WASHC5: variants seen among roughly 807,000 people sequenced by gnomAD.
WASHC5 encodes WASH complex subunit 5.
In WASHC5, 101 loss-of-function variants were observed where a neutral mutation model predicts 150.4. That is an observed-to-expected ratio of 0.67 (90% CI 0.57 to 0.79). WASHC5 has a LOEUF of 0.79. Among genes scored for constraint, WASHC5 ranks in the 30% least tolerant of loss-of-function variants. WASHC5 has a pLI of 0.00. For missense variants in WASHC5, 1,195 were observed against 1,396.3 expected, an observed-to-expected ratio of 0.86 and a Z score of 2.30; for synonymous variants, 467 against 491.2, an observed-to-expected ratio of 0.95 and a Z score of 0.65.
chr8:125,056,944 A>G, intron 15 of WASHC5, 127 bp from the exon 16 acceptor site: 1 of 1,049,496 alleles, frequency 9.5e-7, no homozygotes, highest in African/African-American at 1.6e-5. Context: ...CTGTTTTAAT[A>G]ACTGCTGGCA....
intron 23 of WASHC5, among the ~76,000 whole-genome samples, chr8:125,041,551 G>C (rs899349492): frequency 6.6e-6 from 1 of 152,086 alleles, no homozygotes; most frequent in South Asian, 2.1e-4. Flanking sequence ...TGAGGTATGA[G>C]AAACACTTGA....
At chr8:125,038,589 C>T (rs1045123316) in intron 25 of WASHC5, among the ~76,000 whole-genome samples, 3 of 152,186 alleles carry the variant, frequency 2.0e-5, no homozygotes, top group Non-Finnish European at 4.4e-5. Context: ...ATCTCTTACA[C>T]GGAGGCAGCA....
chr8:125,090,945 A>G (rs541075089), intron 1 of WASHC5, among the ~76,000 whole-genome samples: 5 of 152,324 alleles, frequency 3.3e-5, no homozygotes, highest in Non-Finnish European at 7.4e-5. Context: ...GGACAATTAG[A>G]GAAGGTGTCC....
At chr8:125,037,948 G>A (rs1222501565) in intron 25 of WASHC5, among the ~76,000 whole-genome samples, 1 of 152,188 alleles carries the variant, frequency 6.6e-6, no homozygotes, top group Non-Finnish European at 1.5e-5. Flanking sequence ...AGACAGGGTA[G>A]CACACGGGTC....
At chr8:125,060,409 C>T (rs1036756664) in intron 12 of WASHC5, among the ~76,000 whole-genome samples, 1 of 151,712 alleles carries the variant, frequency 6.6e-6, no homozygotes, top group Non-Finnish European at 1.5e-5. Context: ...TCGCTGGAAC[C>T]CAGGAGGCGG....
At chr8:125,060,066 C>T (rs539823471) in intron 12 of WASHC5, among the ~76,000 whole-genome samples, 1 of 152,214 alleles carries the variant, frequency 6.6e-6, no homozygotes, top group Non-Finnish European at 1.5e-5. Flanking sequence ...TCCTAAAAAC[C>T]TTGCAGAAAT....
intron 12 of WASHC5, 36 bp downstream of exon 12, chr8:125,061,046 G>T: frequency 8.3e-7 from 1 of 1,200,720 alleles, no homozygotes; most frequent in Non-Finnish European, 1.2e-6. Context: ...TGTGATTCAT[G>T]ATCCAAGAAC....
intron 14 of WASHC5, among the ~76,000 whole-genome samples, chr8:125,058,167 G>C (rs1816471526): frequency 6.6e-6 from 1 of 151,582 alleles, no homozygotes; most frequent in Non-Finnish European, 1.5e-5. Context: ...GTGCCATTCA[G>C]AAAAAAATTA....
At chr8:125,025,623 G>A (rs988235293) in intron 28 of WASHC5, among the ~76,000 whole-genome samples, 5 of 152,280 alleles carry the variant, frequency 3.3e-5, no homozygotes, top group Admixed American at 2.6e-4. Flanking sequence ...GGGAGGCGGA[G>A]GCTGTAGTGA....
rs1817275766 is a variant in WASHC5, at chr8:125,081,845, T to C, written c.418-84A>G. On this transcript the variant is annotated intron_variant, in intron 4 of 28. Transcript: ENST00000318410. Reference sequence around the variant, plus strand: ...AGTCGGTAATCATGAAAAATATTGCTTTGCTCACACTTCTTCAAAAAGTTT... The same window carrying C: ...AGTCGGTAATCATGAAAAATATTGCCTTGCTCACACTTCTTCAAAAAGTTT... The C allele has an allele frequency of 4.8e-6, 4 of 841,838 alleles. No individual in the cohort carries two copies. The Admixed American group carries it at 7.3e-5, about 15-fold the overall frequency. The allele number at this position is 841,838 out of a possible 1,614,324, so 52.1% of individuals were successfully genotyped here.
intron 6 of WASHC5, among the ~76,000 whole-genome samples, chr8:125,078,510 A>C (rs181501897): frequency 1.1e-3 from 165 of 152,332 alleles, no homozygotes; most frequent in African/African-American, 3.9e-3. Flanking sequence ...AAAAGAATGC[A>C]TCTTCTTCCC....
At chr8:125,030,176 A>G (rs921049645) in intron 27 of WASHC5, among the ~76,000 whole-genome samples, 1 of 152,172 alleles carries the variant, frequency 6.6e-6, no homozygotes, top group Non-Finnish European at 1.5e-5. Context: ...CTAGGGAGCT[A>G]CAATTGGGAC....
At chr8:125,034,994 C>G (rs1008105626) in intron 26 of WASHC5, among the ~76,000 whole-genome samples, 1 of 152,168 alleles carries the variant, frequency 6.6e-6, no homozygotes, top group African/African-American at 2.4e-5. Context: ...AGTTTCAAGG[C>G]TCTCTTTACA....
chr8:125,083,913 A>G lies in WASHC5; in HGVS notation c.-15T>C. On this transcript the variant is annotated 5_prime_UTR_variant, in exon 2 of 29. Coordinates refer to ENST00000318410, the MANE Select transcript of WASHC5 (RefSeq NM_014846.4). ...AAGTCCAACATTGTGAGGCGGACCG[A>G]CTACTCTGTGCCTGGACACTGGGGA... The G allele has an allele frequency of 6.2e-7, 1 of 1,612,060 alleles. No individual in the cohort carries two copies. Among genetic ancestry groups the G allele is most frequent in the Non-Finnish European group, 8.5e-7 (1 of 1,178,956 alleles).
chr8:125,047,102 A>T, intron 20 of WASHC5, 105 bp downstream of exon 20: 1 of 1,371,660 alleles, frequency 7.3e-7, no homozygotes. Flanking sequence ...TGAGTTGACA[A>T]GTGCAGGACC....
intron 20 of WASHC5, among the ~76,000 whole-genome samples, chr8:125,046,927 A>C (rs561880475): frequency 6.6e-6 from 1 of 152,294 alleles, no homozygotes; most frequent in South Asian, 2.1e-4. Context: ...ATGAGAATCT[A>C]GCACTTTGGG....
At chr8:125,069,356 C>T (rs144183151) in intron 9 of WASHC5, among the ~76,000 whole-genome samples, 204 of 152,318 alleles carry the variant, frequency 1.3e-3, no homozygotes, top group Non-Finnish European at 2.5e-3. Flanking sequence ...TCTGTTATAG[C>T]AGCAGAAAAT....
Position 125,076,494 on chromosome 8 carries a change from C to T in WASHC5, c.718G>A (p.Ala240Thr). ...CTGCGATGCTCCGGCAAAGGATACG[C>T]TGAGACCTGCAATGTCAAGACGACA... ...RSDDIYNQVS[A>T]YPLPEHRSTA... Residue 240 changes from alanine (A) to threonine (T), a missense_variant, in exon 7 of 29, where the codon GCG (alanine) becomes ACG (threonine). By Grantham distance (58) the Ala-to-Thr change is moderately conservative. Around this residue, in one of 3 missense-constraint regions of WASHC5, gnomAD observed 997 missense variants for 1,168.1 expected, o/e 0.85. Coordinates refer to ENST00000318410, the MANE Select transcript of WASHC5 (RefSeq NM_014846.4). 1 of 1,613,904 alleles carries T rather than the reference C, an allele frequency of 6.2e-7. No homozygotes were observed. The highest frequency in any genetic ancestry group is 8.5e-7 in the Non-Finnish European group (1 of 1,179,946).
At chr8:125,072,763 T>A (rs1416941119) in intron 9 of WASHC5, among the ~76,000 whole-genome samples, 1 of 152,154 alleles carries the variant, frequency 6.6e-6, no homozygotes, top group East Asian at 1.9e-4. Flanking sequence ...TCCCCCTTTT[T>A]CATGTAATAT....
Sources: gnomAD v4.1 joint callset for allele counts (sites outside exome capture counted in the v4.1 genomes callset) on GRCh38, gnomAD v4.1.1 for gene constraint, gnomAD v4.1.1 regional missense constraint, MANE v1.5 for transcripts, NCBI Gene and HGNC (gene_info 2026-07-23, HGNC 2026-07-21) for gene names.